The following NUFIP2 variants were observed in gnomAD, a reference collection of about 807,000 sequenced individuals.
NUFIP2 encodes the protein FMR1-interacting protein NUFIP2.
Under a neutral mutation model 56.9 loss-of-function variants are expected in NUFIP2, and 6 were observed. The observed-to-expected ratio is 0.11, with a 90% CI of 0.06 to 0.21. The LOEUF (loss-of-function observed/expected upper bound fraction) is 0.21. Among genes scored for constraint, NUFIP2 ranks in the 10% least tolerant of loss-of-function variants. The pLI is 1.00. For missense variants in NUFIP2, 828 were observed against 826.8 expected (o/e 1.00, Z -0.02); for synonymous variants, 321 against 298.2 (o/e 1.08, Z -0.79).
chr17:29,257,193 G>A lies in NUFIP2; in HGVS notation c.*7346C>T, dbSNP rs2068976065. ...TTTAAATTGAACTTTATTAAAATAG[G>A]TGCCAGTTTTCCTCTCTCCTAGTTC... On this transcript the variant is annotated 3_prime_UTR_variant, in exon 4 of 4. Transcript: ENST00000225388. 6.6e-6 allele frequency: 1 copy of A among 152,122 alleles called. No individual in the cohort carries two copies. The highest frequency in any genetic ancestry group is 2.4e-5 in the African/African-American group (1 of 41,416). 9.4% of individuals were successfully genotyped at this position (152,122 alleles called of 1,614,324 possible).
At position 29,256,576 on chromosome 17, in the gene NUFIP2, T is replaced by C. The variant is rs1012431439; in HGVS notation, c.*7963A>G. On this transcript the variant is annotated 3_prime_UTR_variant, in exon 4 of 4. Transcript: ENST00000225388. ...AAAAGCTATAAAATGGAAATATTTA[T>C]TTTTTATGTAGGAGCATGGGGAAAA... is the stretch of plus-strand genomic sequence containing the variant. The C allele has an allele frequency of 2.0e-5, 3 of 152,180 alleles. No homozygotes were observed. The highest frequency in any genetic ancestry group is 4.4e-5 in the Non-Finnish European group (3 of 68,030). The allele number at this position is 152,180 out of a possible 1,614,324, so 9.4% of individuals were successfully genotyped here.
chr17:29,271,409 C>T (rs1407567392), intron 2 of NUFIP2, among the ~76,000 whole-genome samples: 4 of 151,998 alleles, frequency 2.6e-5, no homozygotes, highest in Admixed American at 6.6e-5. Flanking sequence ...TGGTGGTGCA[C>T]GCCTGTAATC....
At chr17:29,265,538 G>A (rs1446249643) in intron 3 of NUFIP2, among the ~76,000 whole-genome samples, 3 of 147,362 alleles carry the variant, frequency 2.0e-5, no homozygotes, top group Admixed American at 6.8e-5. Context: ...TCCTGACCTC[G>A]TGATCCGCCC....
chr17:29,261,111 C>T lies in NUFIP2; in HGVS notation c.*3428G>A, dbSNP rs978483622. ...GGGAAAAGGGGATTATTGAGGACAC[C>T]TACAAGAGTGGTATGTGACACAGAA... On this transcript the variant is annotated 3_prime_UTR_variant, in exon 4 of 4. Transcript: ENST00000225388. 6.6e-6 allele frequency: 1 copy of T among 151,964 alleles called. No homozygotes were observed. Among genetic ancestry groups the T allele is most frequent in the Non-Finnish European group, 1.5e-5 (1 of 67,962 alleles). The allele number at this position is 151,964 out of a possible 1,614,324, so 9.4% of individuals were successfully genotyped here.
chr17:29,265,822 T>C (rs1432763333), intron 3 of NUFIP2, among the ~76,000 whole-genome samples: 2 of 150,718 alleles, frequency 1.3e-5, no homozygotes, highest in Non-Finnish European at 2.9e-5. Flanking sequence ...TAAGAATCAA[T>C]CTAGTTTAGT....
At chr17:29,282,125 A>G (rs111404443) in intron 2 of NUFIP2, among the ~76,000 whole-genome samples, 3 of 151,946 alleles carry the variant, frequency 2.0e-5, no homozygotes, top group Non-Finnish European at 4.4e-5. Context: ...TTAACACTCA[A>G]ATTTTTAAAA....
chr17:29,287,771 C>T, intron 1 of NUFIP2, 55 bp from the exon 2 acceptor site: 1 of 1,446,990 alleles, frequency 6.9e-7, no homozygotes. Context: ...GTAAATTACA[C>T]TAATACCTAA....
rs1360228955 is a variant in NUFIP2 at position 29,258,376 on chromosome 17, T to C, written c.*6163A>G. ...AAAGACAAGAGAAACAGCTGGAGTT[T>C]TGATTGATTTGATTTAAACTAAATC... On this transcript the variant is annotated 3_prime_UTR_variant, in exon 4 of 4. Coordinates refer to ENST00000225388, the MANE Select transcript of NUFIP2 (RefSeq NM_020772.3). The C allele has an allele frequency of 1.3e-5, 2 of 152,162 alleles. No homozygotes were observed. Among genetic ancestry groups the C allele is most frequent in the Admixed American group, 1.3e-4 (2 of 15,284 alleles). The allele number at this position is 152,162 out of a possible 1,614,324, so 9.4% of individuals were successfully genotyped here.
At chr17:29,268,176 G>T (rs542324389) in intron 2 of NUFIP2, among the ~76,000 whole-genome samples, 31 of 152,296 alleles carry the variant, frequency 2.0e-4, no homozygotes, top group African/African-American at 6.7e-4. Context: ...TGGGATCACA[G>T]GCGCGAGCCA....
chr17:29,293,971 G>GGCT lies in NUFIP2; in HGVS notation c.86_88dup (p.Gln29dup), dbSNP rs577779578. 460 of 1,608,406 alleles carry GGCT rather than the reference G, an allele frequency of 2.9e-4. 1 individual carries two copies. The Middle Eastern group carries it at 3.1e-3, about 11-fold the overall frequency. ...GAAATAATAATGGTGGTGGTGGTGC[G>GGCT]GCTGCTGCTGCTGCTGCTGAGGGTG... On this transcript the variant is annotated inframe_insertion, in exon 1 of 4. Coordinates refer to ENST00000225388, the MANE Select transcript of NUFIP2 (RefSeq NM_020772.3).
intron 2 of NUFIP2, among the ~76,000 whole-genome samples, chr17:29,279,182 T>A (rs1421868324): frequency 6.6e-6 from 1 of 152,144 alleles, no homozygotes; most frequent in Non-Finnish European, 1.5e-5. Context: ...GAAGAGAAAA[T>A]TTAATATTCA....
rs780772889 is a variant in NUFIP2 at position 29,286,351 on chromosome 17, C to A, written c.1643G>T (p.Gly548Val). 5 of 1,614,120 alleles carry A rather than the reference C, an allele frequency of 3.1e-6. No individual in the cohort carries two copies. The South Asian group carries it at 3.3e-5, about 11-fold the overall frequency. The change falls in exon 2 of 4, where the codon GGT becomes GTT. Residue 548 changes from glycine to valine, a missense_variant. Physicochemically the swap from Gly to Val is moderately radical, Grantham distance 109. Coordinates refer to ENST00000225388, the MANE Select transcript of NUFIP2 (RefSeq NM_020772.3). ...AGTTCCTGAGGGAATTATTTCAGCA[C>A]CCTGTGAAACCAAAGTAGCAGGATA... ...GEYPATLVSQGAEIIPSGTEH... is the reference protein window; with the variant it reads ...GEYPATLVSQVAEIIPSGTEH...
rs755444748 is a variant in NUFIP2, at chr17:29,286,447, C to T, written c.1547G>A (p.Ser516Asn). The T allele has an allele frequency of 6.2e-7, 1 of 1,614,204 alleles. No individual in the cohort carries two copies. Among genetic ancestry groups the T allele is most frequent in the Non-Finnish European group, 8.5e-7 (1 of 1,180,032 alleles). Residue 516 changes from serine (S) to asparagine (N), a missense_variant, in exon 2 of 4, where the codon AGT (serine) becomes AAT (asparagine). By Grantham distance (46) the Ser-to-Asn change is conservative (BLOSUM62 1). Around this residue, in one of 3 missense-constraint regions of NUFIP2, gnomAD observed 404 missense variants for 380.3 expected, o/e 1.06. Coordinates refer to ENST00000225388, the MANE Select transcript of NUFIP2 (RefSeq NM_020772.3). ...QWGLSFINEPSAGPETVTGKS... is the reference protein window; with the variant it reads ...QWGLSFINEPNAGPETVTGKS... ...CCCAGTAACAGTCTCAGGGCCAGCA[C>T]TGGGCTCATTTATAAATGATAAACC...
Position 29,286,360 on chromosome 17 carries a change from A to T in NUFIP2, c.1634T>A (p.Val545Asp). Reference protein sequence around the residue: ...TFQGEYPATLVSQGAEIIPSG... With the variant: ...TFQGEYPATLDSQGAEIIPSG... ...GGGAATTATTTCAGCACCCTGTGAA[A>T]CCAAAGTAGCAGGATATTCTCCTTG... The change falls in exon 2 of 4, where the codon GTT (valine) becomes GAT (aspartate). Residue 545 changes from valine (V) to aspartate (D), a missense_variant. This residue lies in a region of NUFIP2 where 404 missense variants were observed against 380.3 expected (regional missense o/e 1.06). Coordinates refer to ENST00000225388, the MANE Select transcript of NUFIP2 (RefSeq NM_020772.3). 1.2e-6 allele frequency: 2 copies of T among 1,614,194 alleles called. No individual in the cohort carries two copies.
intron 1 of NUFIP2, among the ~76,000 whole-genome samples, chr17:29,293,332 C>T (rs2069230193): frequency 6.6e-6 from 1 of 151,932 alleles, no homozygotes. Flanking sequence ...CCACTCCTCG[C>T]CGCCTGCAAA....
chr17:29,271,864 A>G (rs1406532556), intron 2 of NUFIP2, among the ~76,000 whole-genome samples: 1 of 151,936 alleles, frequency 6.6e-6, no homozygotes, highest in Non-Finnish European at 1.5e-5. Context: ...TGAGGTCAGG[A>G]GTTCAAGACC....
chr17:29,264,596 A>G lies in NUFIP2; in HGVS notation c.2036-5T>C, dbSNP rs745804161. On this transcript the variant is annotated splice_polypyrimidine_tract_variant and splice_region_variant and intron_variant, in intron 3 of 3. Coordinates refer to ENST00000225388, the MANE Select transcript of NUFIP2 (RefSeq NM_020772.3). Reference sequence around the variant, plus strand: ...AAGTGATTATCCTTTTGGGATCTAGAAAGGTTAAAAAAATAAATAAAAATA... The same window carrying G: ...AAGTGATTATCCTTTTGGGATCTAGGAAGGTTAAAAAAATAAATAAAAATA... The G allele has an allele frequency of 1.3e-6, 2 of 1,563,942 alleles. No homozygotes were observed. Among genetic ancestry groups the G allele is most frequent in the Admixed American group, 1.7e-5 (1 of 59,870 alleles).
intron 2 of NUFIP2, among the ~76,000 whole-genome samples, chr17:29,281,664 G>C (rs2069140240): frequency 6.9e-6 from 1 of 145,878 alleles, no homozygotes; most frequent in African/African-American, 2.6e-5. Context: ...ACTCCAGCCT[G>C]GGTGACAATG....
At chr17:29,277,143 G>A (rs1427006293) in intron 2 of NUFIP2, among the ~76,000 whole-genome samples, 2 of 152,108 alleles carry the variant, frequency 1.3e-5, no homozygotes, top group East Asian at 3.9e-4. Flanking sequence ...TCCTGCCTAA[G>A]CCTCCGGAGT....
Sources: gnomAD v4.1 joint callset for allele counts (sites outside exome capture counted in the v4.1 genomes callset) on GRCh38, gnomAD v4.1.1 for gene constraint, gnomAD v4.1.1 regional missense constraint, MANE v1.5 for transcripts, NCBI Gene and HGNC (gene_info 2026-07-23, HGNC 2026-07-21) for gene names.